UGT1A10: variants seen among roughly 807,000 people sequenced by gnomAD.
The protein encoded by UGT1A10 is UDP-glucuronosyltransferase 1A10.
A neutral mutation model predicts 45.8 loss-of-function variants in UGT1A10; 49 were observed. That is an observed-to-expected ratio of 1.07 (90% CI 0.85 to 1.36). The LOEUF is 1.36. Among genes scored for constraint, UGT1A10 ranks in the 40% most tolerant of loss-of-function variants. UGT1A10 has a pLI of 0.00. For missense variants in UGT1A10, 745 were observed against 668.6 expected, an observed-to-expected ratio of 1.11 and a Z score of -1.26; for synonymous variants, 284 against 249.7, an observed-to-expected ratio of 1.14 and a Z score of -1.29.
At chr2:233,719,218 A>C (rs1197156994) in intron 1 of UGT1A10, 2 of 1,614,132 alleles carry the variant, frequency 1.2e-6, no homozygotes, top group Non-Finnish European at 1.7e-6. Context: ...GAGCTACTGC[A>C]TAATGAGGCC....
intron 1 of UGT1A10, among the ~76,000 whole-genome samples, chr2:233,732,527 T>G (rs920037607): frequency 6.6e-6 from 1 of 152,244 alleles, no homozygotes; most frequent in African/African-American, 2.4e-5. Context: ...TTTCTACATA[T>G]GGCCAGTTTT....
chr2:233,695,832 C>G (rs1356599606), intron 1 of UGT1A10, among the ~76,000 whole-genome samples: 1 of 152,100 alleles, frequency 6.6e-6, no homozygotes, highest in Admixed American at 6.5e-5. Context: ...ACAAAAAACT[C>G]AAAGGGTTTT....
intron 1 of UGT1A10, among the ~76,000 whole-genome samples, chr2:233,640,043 G>C (rs1271877050): frequency 6.6e-6 from 1 of 152,144 alleles, no homozygotes; most frequent in Non-Finnish European, 1.5e-5. Context: ...GCAGACCTGG[G>C]GATAGGATGT....
chr2:233,662,075 T>G (rs1010603923), intron 1 of UGT1A10, among the ~76,000 whole-genome samples: 6 of 152,216 alleles, frequency 3.9e-5, no homozygotes, highest in Non-Finnish European at 8.8e-5. Flanking sequence ...AATAGTACAG[T>G]AGGCACAGTT....
At chr2:233,704,603 G>T (rs1341445338) in intron 1 of UGT1A10, among the ~76,000 whole-genome samples, 1 of 152,070 alleles carries the variant, frequency 6.6e-6, no homozygotes, top group African/African-American at 2.4e-5. Context: ...AGAAGAGCAA[G>T]TATGTATTTA....
intron 1 of UGT1A10, among the ~76,000 whole-genome samples, chr2:233,665,260 T>C (rs1400826315): frequency 6.6e-6 from 1 of 152,246 alleles, no homozygotes; most frequent in African/African-American, 2.4e-5. Context: ...TGTAGTTTTT[T>C]CAACCAATTA....
intron 1 of UGT1A10, chr2:233,755,033 G>A (rs1238728031): frequency 2.3e-6 from 3 of 1,314,014 alleles, no homozygotes; most frequent in Non-Finnish European, 3.1e-6. Context: ...AGGGCCTGCC[G>A]CCTGCGCAGC....
At chr2:233,706,753 C>T (rs1051377553) in intron 1 of UGT1A10, among the ~76,000 whole-genome samples, 3 of 152,174 alleles carry the variant, frequency 2.0e-5, no homozygotes, top group African/African-American at 7.2e-5. Context: ...AAGCAGAGTG[C>T]CGTACACTGG....
At chr2:233,698,920 C>T (rs566818934) in intron 1 of UGT1A10, among the ~76,000 whole-genome samples, 4 of 152,334 alleles carry the variant, frequency 2.6e-5, no homozygotes, top group African/African-American at 7.2e-5. Flanking sequence ...GGGACGTGGC[C>T]GTCTCAGAGG....
intron 1 of UGT1A10, among the ~76,000 whole-genome samples, chr2:233,666,049 G>A (rs2074069995): frequency 6.6e-6 from 1 of 152,212 alleles, no homozygotes; most frequent in South Asian, 2.1e-4. Context: ...GATACAAGAA[G>A]CATGGCACCA....
chr2:233,659,183 G>A (rs1322946152), intron 1 of UGT1A10, among the ~76,000 whole-genome samples: 8 of 152,092 alleles, frequency 5.3e-5, no homozygotes, highest in African/African-American at 1.9e-4. Flanking sequence ...ATGTTAAGTG[G>A]TATTTTCATT....
intron 1 of UGT1A10, among the ~76,000 whole-genome samples, chr2:233,639,863 T>C (rs2073403963): frequency 1.3e-5 from 2 of 152,220 alleles, no homozygotes; most frequent in Non-Finnish European, 2.9e-5. Flanking sequence ...TGTGTGTTGA[T>C]TAGTGATGTG....
chr2:233,710,028 T>G (rs1217910588), intron 1 of UGT1A10, among the ~76,000 whole-genome samples: 1 of 152,260 alleles, frequency 6.6e-6, no homozygotes, highest in Non-Finnish European at 1.5e-5. Flanking sequence ...ACAGGTATAC[T>G]GTTTTGTGTC....
chr2:233,725,835 CTATGT>C (rs1185160672), intron 1 of UGT1A10, among the ~76,000 whole-genome samples: 4 of 152,052 alleles, frequency 2.6e-5, no homozygotes, highest in Admixed American at 2.0e-4. Flanking sequence ...ATTGCTACTC[CTATGT>C]TATTTTTTCA....
intron 1 of UGT1A10, among the ~76,000 whole-genome samples, chr2:233,688,618 A>C (rs183545370): frequency 6.6e-6 from 1 of 152,206 alleles, no homozygotes; most frequent in Non-Finnish European, 1.5e-5. Context: ...CTCAGCAAAC[A>C]TGAGTTCGTC....
intron 1 of UGT1A10, among the ~76,000 whole-genome samples, chr2:233,662,840 A>G (rs1575409283): frequency 1.4e-5 from 2 of 145,130 alleles, no homozygotes; most frequent in Admixed American, 6.9e-5. Flanking sequence ...TTTGTCAGAT[A>G]TGAATTTTGG....
At chr2:233,679,301 G>T (rs1225471234) in intron 1 of UGT1A10, among the ~76,000 whole-genome samples, 3 of 152,194 alleles carry the variant, frequency 2.0e-5, no homozygotes, top group Non-Finnish European at 4.4e-5. Context: ...ACAAAGCCTT[G>T]ATGGAACCAA....
At chr2:233,754,376 G>C (rs1425062905) in intron 1 of UGT1A10, 2 of 288,414 alleles carry the variant, frequency 6.9e-6, no homozygotes, top group African/African-American at 2.2e-5. Context: ...ATGATCGAAA[G>C]ACAAACAGAG....
intron 1 of UGT1A10, among the ~76,000 whole-genome samples, chr2:233,764,353 CCTCATAGTAGCTGG>C (rs1280586461): frequency 1.6e-4 from 25 of 152,240 alleles, no homozygotes; most frequent in Non-Finnish European, 2.8e-4. Context: ...CTTTATTGAG[CCTCATAGTAGCTGG>C]CTCAGGTAGG....
Sources: allele counts gnomAD v4.1 joint callset (sites outside exome capture counted in the v4.1 genomes callset), GRCh38; gene constraint gnomAD v4.1.1; transcripts MANE v1.5; gene names NCBI Gene and HGNC (gene_info 2026-07-23, HGNC 2026-07-21).